The following SGCZ variants were observed in gnomAD, a reference collection of about 807,000 sequenced individuals.
SGCZ encodes sarcoglycan zeta.
In SGCZ, 40 loss-of-function variants were observed where a neutral mutation model predicts 41.3. The observed-to-expected ratio is 0.97, with a 90% CI of 0.75 to 1.26. The LOEUF is 1.26. SGCZ is among the 50% of genes most tolerant of loss of function. The pLI is 0.00. For synonymous variants in SGCZ, 206 were observed against 137.5 expected, an observed-to-expected ratio of 1.50 and a Z score of -3.49; for missense variants, 552 against 369.8, an observed-to-expected ratio of 1.49 and a Z score of -4.04.
chr8:14,874,237 G>T (rs922214936), intron 1 of SGCZ, among the ~76,000 whole-genome samples: 1 of 152,058 alleles, frequency 6.6e-6, no homozygotes, highest in Non-Finnish European at 1.5e-5. Context: ...TATTTTTAAA[G>T]ATAATACTCT....
At chr8:14,401,414 TCTCCTAAA>T (rs1799070982) in intron 2 of SGCZ, among the ~76,000 whole-genome samples, 1 of 144,428 alleles carries the variant, frequency 6.9e-6, no homozygotes, top group African/African-American at 2.7e-5. Flanking sequence ...ATTAGGTATA[TCTCCTAAA>T]GCTATCCCTC....
chr8:14,606,488 C>T (rs1056265373), intron 1 of SGCZ, among the ~76,000 whole-genome samples: 1 of 152,178 alleles, frequency 6.6e-6, no homozygotes, highest in African/African-American at 2.4e-5. Context: ...ATTCTGGCTT[C>T]TTCTCATTAC....
At chr8:14,455,724 T>G (rs1800724172) in intron 2 of SGCZ, among the ~76,000 whole-genome samples, 1 of 152,194 alleles carries the variant, frequency 6.6e-6, no homozygotes, top group African/African-American at 2.4e-5. Flanking sequence ...GGAAAGTGGT[T>G]GAATAAATTA....
At chr8:14,983,697 AC>A (rs1801743502) in intron 1 of SGCZ, among the ~76,000 whole-genome samples, 2 of 152,114 alleles carry the variant, frequency 1.3e-5, no homozygotes, top group Non-Finnish European at 2.9e-5. Context: ...AATTCTCACA[AC>A]CATTTTTACA....
chr8:14,093,196 C>T (rs1033659563), intron 7 of SGCZ, among the ~76,000 whole-genome samples: 5 of 152,012 alleles, frequency 3.3e-5, no homozygotes, highest in African/African-American at 1.2e-4. Context: ...TCTCTCTTTG[C>T]CCTCCCTCAT....
At chr8:14,744,599 A>T (rs1452000432) in intron 1 of SGCZ, among the ~76,000 whole-genome samples, 1 of 152,152 alleles carries the variant, frequency 6.6e-6, no homozygotes, top group East Asian at 1.9e-4. Context: ...GGATCCACGT[A>T]GAGGTGTAGT....
chr8:14,241,864 T>A (rs561905057), intron 3 of SGCZ, among the ~76,000 whole-genome samples: 1 of 152,208 alleles, frequency 6.6e-6, no homozygotes, highest in African/African-American at 2.4e-5. Flanking sequence ...TATGTTCTTC[T>A]CATTTTAATA....
At chr8:14,622,083 G>C (rs533791981) in intron 1 of SGCZ, among the ~76,000 whole-genome samples, 1 of 152,074 alleles carries the variant, frequency 6.6e-6, no homozygotes, top group Non-Finnish European at 1.5e-5. Context: ...AGATAAGTTT[G>C]TATAGGTAGA....
intron 1 of SGCZ, among the ~76,000 whole-genome samples, chr8:14,721,710 C>G (rs1184153739): frequency 6.6e-6 from 1 of 152,214 alleles, no homozygotes; most frequent in African/African-American, 2.4e-5. Flanking sequence ...AAAGCAATCA[C>G]AGTAATGTCA....
chr8:14,826,427 A>G (rs1284670029), intron 1 of SGCZ, among the ~76,000 whole-genome samples: 11 of 152,130 alleles, frequency 7.2e-5, no homozygotes, highest in Non-Finnish European at 1.6e-4. Context: ...AGCATCATTT[A>G]TAATCCTTTG....
At chr8:14,778,931 T>C (rs1425755102) in intron 1 of SGCZ, among the ~76,000 whole-genome samples, 1 of 152,198 alleles carries the variant, frequency 6.6e-6, no homozygotes, top group Non-Finnish European at 1.5e-5. Flanking sequence ...TAACATTAAA[T>C]AGTCTCACAC....
chr8:14,980,684 A>G (rs184444885), intron 1 of SGCZ, among the ~76,000 whole-genome samples: 1 of 152,212 alleles, frequency 6.6e-6, no homozygotes, highest in Admixed American at 6.5e-5. Context: ...ATCTCATGAG[A>G]CTTATTCACC....
chr8:15,037,117 T>C (rs775867304), intron 1 of SGCZ, among the ~76,000 whole-genome samples: 1 of 152,160 alleles, frequency 6.6e-6, no homozygotes, highest in Non-Finnish European at 1.5e-5. Flanking sequence ...CTATATATGA[T>C]GATGGGGTTT....
intron 1 of SGCZ, among the ~76,000 whole-genome samples, chr8:14,826,984 G>A (rs1342829364): frequency 2.0e-5 from 3 of 151,920 alleles, no homozygotes; most frequent in Non-Finnish European, 4.4e-5. Flanking sequence ...ATTGCTTTTG[G>A]TGTTTTAGAC....
chr8:14,132,554 T>C (rs1803074083), intron 5 of SGCZ, among the ~76,000 whole-genome samples: 1 of 152,240 alleles, frequency 6.6e-6, no homozygotes, highest in South Asian at 2.1e-4. Context: ...ATTCTTATTT[T>C]GTTTATACAT....
At chr8:14,815,481 G>T (rs12678194) in intron 1 of SGCZ, among the ~76,000 whole-genome samples, 6,115 of 151,732 alleles carry the variant, frequency 0.04, 214 homozygotes, top group East Asian at 0.22. Context: ...CAGGACCTTT[G>T]TGATGAAAAT....
chr8:14,816,491 G>A (rs562878000), intron 1 of SGCZ, among the ~76,000 whole-genome samples: 1 of 152,262 alleles, frequency 6.6e-6, no homozygotes, highest in East Asian at 1.9e-4. Flanking sequence ...ATATAACTGT[G>A]AAATTCAACT....
At chr8:14,766,203 G>A (rs1201242510) in intron 1 of SGCZ, among the ~76,000 whole-genome samples, 8 of 152,008 alleles carry the variant, frequency 5.3e-5, no homozygotes, top group South Asian at 2.1e-4. Context: ...CAGGTGATCC[G>A]CCCGCCTCGA....
chr8:14,740,895 G>A (rs2244212), intron 1 of SGCZ, among the ~76,000 whole-genome samples: 69,820 of 151,706 alleles, frequency 0.46, 16,775 homozygotes, highest in Non-Finnish European at 0.54. Flanking sequence ...AGGTTTCTTC[G>A]CCAGCACCCT....
Sources: gnomAD v4.1 joint callset for allele counts (sites outside exome capture counted in the v4.1 genomes callset) on GRCh38, gnomAD v4.1.1 for gene constraint, MANE v1.5 for transcripts, NCBI Gene and HGNC (gene_info 2026-07-23, HGNC 2026-07-21) for gene names.